PACSIN1: variants seen among roughly 807,000 people sequenced by gnomAD.
The protein encoded by PACSIN1 is protein kinase C and casein kinase substrate in neurons protein 1.
PACSIN1 carries 15 observed loss-of-function variants against 59.5 expected under a neutral mutation model. The observed-to-expected ratio is 0.25, with a 90% CI of 0.17 to 0.39. The LOEUF (loss-of-function observed/expected upper bound fraction) is 0.39. Among genes scored for constraint, PACSIN1 ranks in the 10% least tolerant of loss-of-function variants. The pLI is 1.00. For missense variants in PACSIN1, 420 were observed against 580.2 expected (o/e 0.72, Z 2.84); for synonymous variants, 210 against 220.6 (o/e 0.95, Z 0.42).
In PACSIN1 at chr6:34,529,646, C is replaced by G. The variant is rs1273492923; in HGVS notation, c.613-20C>G. 4.3e-6 allele frequency: 7 copies of G among 1,613,188 alleles called. No individual in the cohort carries two copies. The highest frequency in any genetic ancestry group is 2.2e-5 in the East Asian group (1 of 44,866). On this transcript the variant is annotated intron_variant, in intron 5 of 9. Coordinates refer to ENST00000244458, the MANE Select transcript of PACSIN1 (RefSeq NM_020804.5). The surrounding 1 kb of genome is among the most constrained non-coding windows in gnomAD (Gnocchi z 6.3). ...CAGGCCTGGCTAGGTGTCACCCTCT[C>G]TCCACTCTGGTGCCCACAGACACAG... is the stretch of plus-strand genomic sequence containing the variant.
At chr6:34,517,554 T>C (rs892067014) in intron 1 of PACSIN1, among the ~76,000 whole-genome samples, 1 of 151,104 alleles carries the variant, frequency 6.6e-6, no homozygotes, top group Non-Finnish European at 1.5e-5. Flanking sequence ...ATGACCCCCT[T>C]GCTCCTCAAG....
chr6:34,472,899 C>T (rs941099257), intron 1 of PACSIN1, among the ~76,000 whole-genome samples: 2 of 152,074 alleles, frequency 1.3e-5, no homozygotes, highest in Non-Finnish European at 2.9e-5. Context: ...ATGTGCCAGG[C>T]GCTCTTTTGT....
chr6:34,485,380 A>G (rs578254942), intron 1 of PACSIN1, among the ~76,000 whole-genome samples: 92 of 152,114 alleles, frequency 6.0e-4, no homozygotes, highest in African/African-American at 1.9e-3. Flanking sequence ...TAGCCCTCCG[A>G]GTGGGACAGG....
rs923542671 is a variant in PACSIN1, at chr6:34,516,148, G to A, written c.-63-10095G>A. On this transcript the variant is annotated intron_variant, in intron 1 of 9. Coordinates refer to ENST00000244458, the MANE Select transcript of PACSIN1 (RefSeq NM_020804.5). The surrounding 1 kb of genome is among the most constrained non-coding windows in gnomAD (Gnocchi z 5.4). Reference sequence around the variant, plus strand: ...CTGCTTTCTCTCCCGCACCCCCTGAGAGCCCAGCTGGGTCTTTCACTGGAC... The same window carrying A: ...CTGCTTTCTCTCCCGCACCCCCTGAAAGCCCAGCTGGGTCTTTCACTGGAC... 6.6e-6 allele frequency among the ~76,000 whole-genome samples: 1 copy of A among 152,180 alleles called. No individual in the cohort carries two copies. Among genetic ancestry groups the A allele is most frequent in the East Asian group, 1.9e-4 (1 of 5,190 alleles).
chr6:34,472,221 G>A (rs576554531), intron 1 of PACSIN1, among the ~76,000 whole-genome samples: 4 of 138,090 alleles, frequency 2.9e-5, no homozygotes, highest in Non-Finnish European at 6.0e-5. Context: ...GAAGTGAGCC[G>A]AGATCGGGCC....
chr6:34,495,660 C>A (rs1227060776), intron 1 of PACSIN1, among the ~76,000 whole-genome samples: 2 of 152,152 alleles, frequency 1.3e-5, no homozygotes, highest in Non-Finnish European at 2.9e-5. Context: ...ACCCTGTTGG[C>A]CAGGCTGGTC....
chr6:34,508,426 T>G (rs1767149353), intron 1 of PACSIN1, among the ~76,000 whole-genome samples: 1 of 152,062 alleles, frequency 6.6e-6, no homozygotes, highest in Non-Finnish European at 1.5e-5. Context: ...TTAAATTTTC[T>G]TTATTTTTAT....
At chr6:34,489,117 G>A (rs142144141) in intron 1 of PACSIN1, among the ~76,000 whole-genome samples, 86 of 151,432 alleles carry the variant, frequency 5.7e-4, no homozygotes, top group Middle Eastern at 3.4e-3. Flanking sequence ...GGAGGTGGAG[G>A]TTGTAGTGAG....
chr6:34,504,547 T>G (rs1282527390), intron 1 of PACSIN1, among the ~76,000 whole-genome samples: 1 of 152,144 alleles, frequency 6.6e-6, no homozygotes, highest in Non-Finnish European at 1.5e-5. Context: ...TGCCTCGGCT[T>G]CCCCAAGTGC....
Position 34,528,860 on chromosome 6 carries a change from GCCAAGAAGATGAAGGAGGTGCTCAGT to G in PACSIN1, c.440_456+9del. The G allele has an allele frequency of 7.3e-7, 1 of 1,376,230 alleles. No homozygotes were observed. Among genetic ancestry groups the G allele is most frequent in the Non-Finnish European group, 9.7e-7 (1 of 1,029,918 alleles). 85.3% of individuals were successfully genotyped at this position (1,376,230 alleles called of 1,614,324 possible). On this transcript the variant is annotated splice_donor_variant and splice_donor_5th_base_variant and coding_sequence_variant and intron_variant, in exon 4 of 10. Transcript: ENST00000244458. LOFTEE classifies it high-confidence loss of function. ...CTTCCGCAAGGCCCAGAAGCCTTGG[GCCAAGAAGATGAAGGAGGTGCTCAGT>G]GGGTGCTGCCACGGGCGGGGTGGGG...
At chr6:34,494,188 C>G (rs1381567921) in intron 1 of PACSIN1, among the ~76,000 whole-genome samples, 1 of 152,130 alleles carries the variant, frequency 6.6e-6, no homozygotes, top group Admixed American at 6.6e-5. Flanking sequence ...CTTTAGAAAG[C>G]AACTCAGGCT....
chr6:34,489,750 A>G (rs562400124), intron 1 of PACSIN1, among the ~76,000 whole-genome samples: 10 of 152,352 alleles, frequency 6.6e-5, no homozygotes, highest in African/African-American at 2.4e-4. Flanking sequence ...ACAGGGGGCC[A>G]CGATGCCTCT....
intron 1 of PACSIN1, among the ~76,000 whole-genome samples, chr6:34,502,031 CAAAAAAAAA>C (rs55848755): frequency 6.0e-5 from 4 of 67,204 alleles, no homozygotes; most frequent in Non-Finnish European, 3.3e-5. Flanking sequence ...GACTCTGTCT[CAAAAAAAAA>C]AAAAAAAAAA....
chr6:34,471,918 G>A (rs567691976), intron 1 of PACSIN1, among the ~76,000 whole-genome samples: 8 of 152,238 alleles, frequency 5.3e-5, no homozygotes, highest in South Asian at 2.1e-4. Context: ...TCTGAATGTC[G>A]CTGCCTGCCA....
rs1685749861 is a variant in PACSIN1 at position 34,529,022 on chromosome 6, G to A, written c.456+145G>A. The A allele has an allele frequency of 1.5e-6, 1 of 675,088 alleles. No homozygotes were observed. The highest frequency in any genetic ancestry group is 1.8e-5 in the African/African-American group (1 of 55,444). The allele number at this position is 675,088 out of a possible 1,614,324, so 41.8% of individuals were successfully genotyped here. ...ACAGGGGAGCAGCACTGCCTTCCAG[G>A]AAAAAATATTCACAGATGGGTAGGC... On this transcript the variant is annotated intron_variant, in intron 4 of 9. Coordinates refer to ENST00000244458, the MANE Select transcript of PACSIN1 (RefSeq NM_020804.5). This position sits in a 1 kb window ranked among gnomAD's most constrained non-coding sequence, Gnocchi z 6.3.
chr6:34,528,883 CA>C lies in PACSIN1; in HGVS notation c.456+7del, dbSNP rs1302601696. Reference sequence around the variant, plus strand: ...GGGCCAAGAAGATGAAGGAGGTGCTCAGTGGGTGCTGCCACGGGCGGGGTGG... The same window carrying C: ...GGGCCAAGAAGATGAAGGAGGTGCTCGTGGGTGCTGCCACGGGCGGGGTGG... On this transcript the variant is annotated splice_region_variant and intron_variant, in intron 4 of 9. Coordinates refer to ENST00000244458, the MANE Select transcript of PACSIN1 (RefSeq NM_020804.5). 2 of 1,093,848 alleles carry C rather than the reference CA, an allele frequency of 1.8e-6. No individual in the cohort carries two copies. Among genetic ancestry groups the C allele is most frequent in the African/African-American group, 3.6e-5 (2 of 55,106 alleles). The allele number at this position is 1,093,848 out of a possible 1,614,324, so 67.8% of individuals were successfully genotyped here.
At chr6:34,470,977 CT>C (rs1382208030) in intron 1 of PACSIN1, among the ~76,000 whole-genome samples, 1 of 151,884 alleles carries the variant, frequency 6.6e-6, no homozygotes, top group Non-Finnish European at 1.5e-5. Context: ...TGGAGTTTTG[CT>C]CTTGTCGCCC....
rs957659444 is a variant in PACSIN1, at chr6:34,518,062, G to A, written c.-63-8181G>A. On this transcript the variant is annotated intron_variant, in intron 1 of 9. Transcript: ENST00000244458. This position sits in a 1 kb window ranked among gnomAD's most constrained non-coding sequence, Gnocchi z 4.4. Reference sequence around the variant, plus strand: ...TGCCTCAGGGACATTGGGTTGGACAGGACACTGGGCCTGCACTGGGTCCAC... The same window carrying A: ...TGCCTCAGGGACATTGGGTTGGACAAGACACTGGGCCTGCACTGGGTCCAC... Among the ~76,000 whole-genome samples the A allele has an allele frequency of 6.6e-6, 1 of 152,214 alleles. No homozygotes were observed. The highest frequency in any genetic ancestry group is 2.4e-5 in the African/African-American group (1 of 41,444).
At chr6:34,489,672 G>A (rs1290508772) in intron 1 of PACSIN1, among the ~76,000 whole-genome samples, 2 of 152,166 alleles carry the variant, frequency 1.3e-5, no homozygotes, top group African/African-American at 4.8e-5. Flanking sequence ...TGGATCCACT[G>A]GACTCCCTGT....
Sources: allele counts gnomAD v4.1 joint callset (sites outside exome capture counted in the v4.1 genomes callset), GRCh38; gene constraint gnomAD v4.1.1; non-coding constraint Gnocchi (gnomAD v3.1); transcripts MANE v1.5; gene names NCBI Gene and HGNC (gene_info 2026-07-23, HGNC 2026-07-21).